The following PXDNL variants were observed in gnomAD, a reference collection of about 807,000 sequenced individuals.
The protein encoded by PXDNL is peroxidasin like.
PXDNL carries 145 observed loss-of-function variants against 150.8 expected under a neutral mutation model. The ratio of observed to expected loss-of-function variants is 0.96; its 90% confidence interval spans 0.84 to 1.10. The LOEUF (loss-of-function observed/expected upper bound fraction) is 1.10. Ranked by LOEUF, PXDNL falls within the 50% of genes least tolerant of loss-of-function variation. The probability of loss-of-function intolerance (pLI) is 0.00; values close to 1 mark genes in which losing one functional copy is unlikely to be tolerated. For synonymous variants in PXDNL, 757 were observed against 725.7 expected (o/e 1.04, Z -0.69); for missense variants, 2,087 against 1,873.9 (o/e 1.11, Z -2.10).
chr8:51,582,692 C>T lies in PXDNL; in HGVS notation c.308+9935G>A, dbSNP rs541889897. Among the ~76,000 whole-genome samples the T allele has an allele frequency of 1.2e-3, 175 of 152,154 alleles. 1 individual carries two copies. Among genetic ancestry groups the T allele is most frequent in the Non-Finnish European group, 1.9e-3 (129 of 67,988 alleles). ...TGTAAAATGATGTTTTTTTAAATGA[C>T]TTCATCAATTATGATAAAATTATAT... On this transcript the variant is annotated intron_variant, in intron 3 of 22. Coordinates refer to ENST00000356297, the MANE Select transcript of PXDNL (RefSeq NM_144651.5).
At chr8:51,796,234 T>A in intron 1 of PXDNL, among the ~76,000 whole-genome samples, 1 of 143,632 alleles carries the variant, frequency 7.0e-6, no homozygotes, top group African/African-American at 2.6e-5. Flanking sequence ...GAAAACAAAC[T>A]CCAAAGCTAG....
chr8:51,633,737 C>T (rs1053386551), intron 2 of PXDNL, among the ~76,000 whole-genome samples: 9 of 152,078 alleles, frequency 5.9e-5, no homozygotes, highest in South Asian at 4.2e-4. Flanking sequence ...TGATTAGTGA[C>T]GTGGAGCATT....
At chr8:51,430,371 G>A (rs920076451) in intron 12 of PXDNL, among the ~76,000 whole-genome samples, 7 of 152,092 alleles carry the variant, frequency 4.6e-5, no homozygotes, top group African/African-American at 1.4e-4. Flanking sequence ...AATCCCAAGC[G>A]GCTAACTGGG....
chr8:51,341,294 C>A (rs1445692808), intron 20 of PXDNL, among the ~76,000 whole-genome samples: 1 of 152,188 alleles, frequency 6.6e-6, no homozygotes, highest in Non-Finnish European at 1.5e-5. Flanking sequence ...CTGATACACA[C>A]AAAAACACAC....
chr8:51,633,773 T>TA (rs1814541833), intron 2 of PXDNL, among the ~76,000 whole-genome samples: 1 of 152,190 alleles, frequency 6.6e-6, no homozygotes, highest in African/African-American at 2.4e-5. Context: ...TGGCCGCTTG[T>TA]ATGTCTTTCT....
At chr8:51,744,864 A>G (rs2036960356) in intron 1 of PXDNL, among the ~76,000 whole-genome samples, 1 of 150,078 alleles carries the variant, frequency 6.7e-6, no homozygotes, top group Non-Finnish European at 1.5e-5. Context: ...AAGGAAAGAG[A>G]AAGAAAAGGG....
At chr8:51,389,750 A>G (rs933553092) in intron 17 of PXDNL, among the ~76,000 whole-genome samples, 8 of 152,076 alleles carry the variant, frequency 5.3e-5, no homozygotes, top group African/African-American at 1.7e-4. Flanking sequence ...TTTTTGTTCA[A>G]TGGTTCTATG....
At chr8:51,327,431 AAGAGC>A (rs1268647175) in intron 21 of PXDNL, among the ~76,000 whole-genome samples, 28 of 152,342 alleles carry the variant, frequency 1.8e-4, no homozygotes, top group African/African-American at 5.5e-4. Flanking sequence ...GAAAATTTAG[AAGAGC>A]TTTCTTATTA....
At chr8:51,501,346 ACT>A (rs10583891) in intron 4 of PXDNL, among the ~76,000 whole-genome samples, 46,936 of 151,564 alleles carry the variant, frequency 0.31, 8,141 homozygotes, top group African/African-American at 0.47. Flanking sequence ...ACTGACACAC[ACT>A]CTCACATTGT....
intron 19 of PXDNL, among the ~76,000 whole-genome samples, chr8:51,346,882 T>G (rs775059217): frequency 1.2e-4 from 18 of 152,128 alleles, no homozygotes; most frequent in Non-Finnish European, 2.6e-4. Flanking sequence ...TCTTTATAAA[T>G]TACCCAGTCT....
rs984193661 is a variant in PXDNL, at chr8:51,639,892, C to A, written c.236+14797G>T. On this transcript the variant is annotated intron_variant, in intron 2 of 22. Transcript: ENST00000356297. Reference sequence around the variant, plus strand: ...TCCTGATACCAAAGCCAGGAAGAGACGCAACCAAAAAAGAGAATTTTAGAC... The same window carrying A: ...TCCTGATACCAAAGCCAGGAAGAGAAGCAACCAAAAAAGAGAATTTTAGAC... Among the ~76,000 whole-genome samples, 72 of 152,090 alleles carry A rather than the reference C, an allele frequency of 4.7e-4. 2 individuals carry two copies. Among genetic ancestry groups the A allele is most frequent in the African/African-American group, 1.6e-3 (68 of 41,422 alleles).
intron 21 of PXDNL, among the ~76,000 whole-genome samples, chr8:51,326,004 G>C (rs536023282): frequency 3.3e-5 from 5 of 152,222 alleles, no homozygotes; most frequent in Admixed American, 3.3e-4. Context: ...GCCTTTTTCT[G>C]TGTCTGTTGA....
chr8:51,551,852 G>T (rs1410148748), intron 4 of PXDNL, among the ~76,000 whole-genome samples: 1 of 152,160 alleles, frequency 6.6e-6, no homozygotes, highest in Non-Finnish European at 1.5e-5. Context: ...AAAAGCCTCT[G>T]CCCTGCAAAA....
At chr8:51,483,478 G>C (rs1016236810) in intron 6 of PXDNL, among the ~76,000 whole-genome samples, 165 bp downstream of exon 6, 3 of 152,164 alleles carry the variant, frequency 2.0e-5, no homozygotes, top group African/African-American at 7.2e-5. Context: ...AGACTATCTG[G>C]GTTCTCTATC....
At chr8:51,339,432 C>G (rs2130676842) in intron 21 of PXDNL, among the ~76,000 whole-genome samples, 192 bp downstream of exon 21, 1 of 152,262 alleles carries the variant, frequency 6.6e-6, no homozygotes, top group Non-Finnish European at 1.5e-5. Context: ...TACATTCCAT[C>G]CGGCCGACAG....
At chr8:51,396,318 GGGTAGTGCAGCACAGGGACGTGGGAAGA>G (rs1312894797) in intron 17 of PXDNL, among the ~76,000 whole-genome samples, 1 of 152,218 alleles carries the variant, frequency 6.6e-6, no homozygotes, top group Non-Finnish European at 1.5e-5. Context: ...CTGCTGGATG[GGGTAGTGCAGCACAGGGACGTGGGAAGA>G]CCCACTGTCC....
chr8:51,495,126 T>G (rs2130256385), intron 5 of PXDNL, among the ~76,000 whole-genome samples: 1 of 151,920 alleles, frequency 6.6e-6, no homozygotes, highest in Non-Finnish European at 1.5e-5. Flanking sequence ...ATTAAGAAAC[T>G]CACTCAAAAC....
Position 51,710,529 on chromosome 8 carries a change from A to G in PXDNL, c.165-55769T>C, listed in dbSNP as rs550616154. Among the ~76,000 whole-genome samples the G allele has an allele frequency of 2.0e-5, 3 of 152,304 alleles. No homozygotes were observed. The East Asian group carries it at 5.8e-4, about 29-fold the overall frequency. On this transcript the variant is annotated intron_variant, in intron 1 of 22. Transcript: ENST00000356297. ...CCAACTATAGTCACCATGTTGTACAATAGATCTCCTGAACTTATTTCTCCT... is the reference window on the plus strand; with the variant it reads ...CCAACTATAGTCACCATGTTGTACAGTAGATCTCCTGAACTTATTTCTCCT...
intron 1 of PXDNL, among the ~76,000 whole-genome samples, chr8:51,802,729 T>G (rs1005961720): frequency 1.3e-5 from 2 of 152,178 alleles, no homozygotes; most frequent in Non-Finnish European, 2.9e-5. Context: ...CATGGCCAAT[T>G]TTACATAATA....
Sources: allele counts gnomAD v4.1 joint callset (sites outside exome capture counted in the v4.1 genomes callset), GRCh38; gene constraint gnomAD v4.1.1; transcripts MANE v1.5; gene names NCBI Gene and HGNC (gene_info 2026-07-23, HGNC 2026-07-21).